FOXK2: variants seen among roughly 807,000 people sequenced by gnomAD.
The protein encoded by FOXK2 is forkhead box protein K2.
Under a neutral mutation model 53.3 loss-of-function variants are expected in FOXK2, and 24 were observed. That is an observed-to-expected ratio of 0.45 (90% confidence interval 0.33 to 0.63). The LOEUF (loss-of-function observed/expected upper bound fraction) is 0.63. Among genes scored for constraint, FOXK2 ranks in the 30% least tolerant of loss-of-function variants. FOXK2 has a pLI of 0.03. For missense variants in FOXK2, 952 were observed against 910.5 expected (o/e 1.05, Z -0.59); for synonymous variants, 505 against 407.1 (o/e 1.24, Z -2.89).
intron 1 of FOXK2, among the ~76,000 whole-genome samples, chr17:82,560,098 C>T (rs1368248917): frequency 2.7e-5 from 4 of 150,216 alleles, no homozygotes; most frequent in East Asian, 2.0e-4. Flanking sequence ...CTCTGCCTCC[C>T]GGGTTCAAGA....
At chr17:82,536,130 G>A (rs1325055680) in intron 1 of FOXK2, among the ~76,000 whole-genome samples, 2 of 151,882 alleles carry the variant, frequency 1.3e-5, no homozygotes, top group African/African-American at 2.4e-5. Context: ...TGCCCATCTC[G>A]GCCTCCCCAA....
rs1185597025 is a variant in FOXK2 at position 82,573,562 on chromosome 17, T to TCTCA, written c.909+1693_909+1694insTCAC. ...CTCTCTCTCTCTCTCTCTCTCTCTC[T>TCTCA]CACACACACACACACACACACACAC... On this transcript the variant is annotated intron_variant, in intron 4 of 8. Transcript: ENST00000335255. Among the ~76,000 whole-genome samples, 562 of 83,348 alleles carry TCTCA rather than the reference T, an allele frequency of 6.7e-3. 2 individuals carry two copies. The highest frequency in any genetic ancestry group is 0.022 in the Middle Eastern group (4 of 186). The allele number at this position is 83,348 out of a possible 152,430, so 54.7% of individuals were successfully genotyped here. A position where few individuals can be genotyped will look rare whatever the true frequency, so the allele number is the denominator to read the frequency against.
At chr17:82,588,452 TGGC>T (rs1567986995) in intron 8 of FOXK2, 4 of 102,674 alleles carry the variant, frequency 3.9e-5, no homozygotes, top group African/African-American at 1.7e-4. Context: ...GTTGGAGGGC[TGGC>T]GGTTGGAGGG....
chr17:82,540,660 G>T (rs998992894), intron 1 of FOXK2, among the ~76,000 whole-genome samples: 5 of 152,114 alleles, frequency 3.3e-5, no homozygotes, highest in Non-Finnish European at 7.3e-5. Flanking sequence ...TGCCTCTCCT[G>T]TAAGACCAGC....
intron 1 of FOXK2, among the ~76,000 whole-genome samples, chr17:82,521,147 G>A (rs2044357822): frequency 6.6e-6 from 1 of 152,062 alleles, no homozygotes; most frequent in African/African-American, 2.4e-5. Flanking sequence ...TGCAAGTACA[G>A]CCTTTGTCCA....
At chr17:82,591,603 A>T (rs1178220197) in intron 8 of FOXK2, among the ~76,000 whole-genome samples, 1 of 152,108 alleles carries the variant, frequency 6.6e-6, no homozygotes, top group Non-Finnish European at 1.5e-5. Context: ...CTTTTTGAGT[A>T]CATGGAAAGG....
At chr17:82,524,274 C>G (rs1389357597) in intron 1 of FOXK2, among the ~76,000 whole-genome samples, 2 of 152,114 alleles carry the variant, frequency 1.3e-5, no homozygotes, top group African/African-American at 4.8e-5. Context: ...ATGTAACAAC[C>G]CGTCGTTGGT....
intron 5 of FOXK2, among the ~76,000 whole-genome samples, chr17:82,583,417 C>T (rs189291229): frequency 2.6e-5 from 4 of 152,152 alleles, no homozygotes; most frequent in East Asian, 3.9e-4. Context: ...CGCGGTGGCG[C>T]GCGCCTGTAA....
intron 1 of FOXK2, among the ~76,000 whole-genome samples, chr17:82,526,942 T>C (rs1295938371): frequency 6.6e-6 from 1 of 151,484 alleles, no homozygotes; most frequent in Admixed American, 6.6e-5. Flanking sequence ...GAAAACGAGA[T>C]TGTGTTGTTT....
intron 8 of FOXK2, chr17:82,587,480 AAG>A: frequency 5.1e-6 from 3 of 591,650 alleles, no homozygotes; most frequent in Non-Finnish European, 9.1e-6. Flanking sequence ...CCTGCCTGAA[AAG>A]AGATGAGAGT....
chr17:82,576,387 G>C (rs1175209778), intron 4 of FOXK2, among the ~76,000 whole-genome samples: 4 of 152,238 alleles, frequency 2.6e-5, no homozygotes, highest in Non-Finnish European at 2.9e-5. Context: ...GTGTCTCCTT[G>C]AGGAGGGGAG....
In FOXK2 at chr17:82,519,863, C is replaced by A; in HGVS notation, c.-26C>A. The A allele has an allele frequency of 2.1e-6, 2 of 967,230 alleles. No homozygotes were observed. The highest frequency in any genetic ancestry group is 1.2e-6 in the Non-Finnish European group (1 of 817,200). The allele number at this position is 967,230 out of a possible 1,614,324, so 59.9% of individuals were successfully genotyped here. A position where few individuals can be genotyped will look rare whatever the true frequency, so the allele number is the denominator to read the frequency against. ...CCGCGCCACCGGCGCCCGCGCGGAG[C>A]GGCCCGGGGGCCCTCACGCAGGCCC... On this transcript the variant is annotated 5_prime_UTR_variant, in exon 1 of 9. Transcript: ENST00000335255.
chr17:82,553,738 A>ACAG (rs1403073080), intron 1 of FOXK2, among the ~76,000 whole-genome samples: 1 of 152,212 alleles, frequency 6.6e-6, no homozygotes, highest in Non-Finnish European at 1.5e-5. Context: ...CTCCAGGGAC[A>ACAG]CAGCAGTTGC....
At chr17:82,553,916 C>T (rs2044699775) in intron 1 of FOXK2, among the ~76,000 whole-genome samples, 1 of 152,078 alleles carries the variant, frequency 6.6e-6, no homozygotes, top group African/African-American at 2.4e-5. Flanking sequence ...TCACTGCAGT[C>T]TCCGCCTCCC....
chr17:82,568,619 G>C (rs117373962), intron 3 of FOXK2, among the ~76,000 whole-genome samples: 89 of 152,332 alleles, frequency 5.8e-4, no homozygotes, highest in Non-Finnish European at 1.1e-3. Flanking sequence ...AGCAGTTGTT[G>C]AGAGTCACAC....
At position 82,519,834 on chromosome 17, in the gene FOXK2, C is replaced by G; in HGVS notation, c.-55C>G. ...CCGACGACCCGCGCGGCCTGGGCCT[C>G]GGCCCGCGCCACCGGCGCCCGCGCG... On this transcript the variant is annotated 5_prime_UTR_variant, in exon 1 of 9. Transcript: ENST00000335255. 1 of 769,318 alleles carries G rather than the reference C, an allele frequency of 1.3e-6. No homozygotes were observed. The highest frequency in any genetic ancestry group is 1.6e-6 in the Non-Finnish European group (1 of 636,728). The allele number at this position is 769,318 out of a possible 1,614,324, so 47.7% of individuals were successfully genotyped here. A position where few individuals can be genotyped will look rare whatever the true frequency, so the allele number is the denominator to read the frequency against.
chr17:82,576,126 C>A (rs1457965909), intron 4 of FOXK2, among the ~76,000 whole-genome samples: 1 of 23,184 alleles, frequency 4.3e-5, no homozygotes, highest in African/African-American at 2.6e-4. Flanking sequence ...TCCACACCAG[C>A]GTGTGTGCTC....
chr17:82,520,112 T>C lies in FOXK2; in HGVS notation c.224T>C (p.Ile75Thr). The C allele has an allele frequency of 1.3e-6, 2 of 1,508,050 alleles. No individual in the cohort carries two copies. Among genetic ancestry groups the C allele is most frequent in the Admixed American group, 2.1e-5 (1 of 47,740 alleles). 93.4% of individuals were successfully genotyped at this position (1,508,050 alleles called of 1,614,324 possible). A position where few individuals can be genotyped will look rare whatever the true frequency, so the allele number is the denominator to read the frequency against. Residue 75 changes from isoleucine (I) to threonine (T), a missense_variant, in exon 1 of 9, where the codon ATC (isoleucine) becomes ACC (threonine). Transcript: ENST00000335255. ...VDVSMGHSSF[I>T]SRRHLEIFTP... ...GTGAGCATGGGCCACTCGAGCTTCA[T>C]CTCCCGGCGCCACCTCGAGATCTTC... is the stretch of plus-strand genomic sequence containing the variant.
intron 1 of FOXK2, among the ~76,000 whole-genome samples, chr17:82,535,934 G>T (rs961949328): frequency 1.3e-4 from 20 of 152,026 alleles, no homozygotes; most frequent in Non-Finnish European, 2.8e-4. Context: ...TGGAGATGGG[G>T]TTTCTCCATG....
Sources: gnomAD v4.1 joint callset for allele counts (sites outside exome capture counted in the v4.1 genomes callset) on GRCh38, gnomAD v4.1.1 for gene constraint, MANE v1.5 for transcripts, NCBI Gene and HGNC (gene_info 2026-07-23, HGNC 2026-07-21) for gene names.